SLC36A1: variants seen among roughly 807,000 people sequenced by gnomAD.
SLC36A1 encodes solute carrier family 36 member 1.
SLC36A1 carries 30 observed loss-of-function variants against 47.5 expected under a neutral mutation model. The observed-to-expected ratio is 0.63, with a 90% CI of 0.47 to 0.86. The LOEUF is 0.86. Among genes scored for constraint, SLC36A1 ranks in the 40% least tolerant of loss-of-function variants. SLC36A1 has a pLI of 0.00. For missense variants in SLC36A1, 517 were observed against 606.0 expected (o/e 0.85, Z 1.54); for synonymous variants, 255 against 249.7 (o/e 1.02, Z -0.20).
the SLC36A1 span, among the ~76,000 whole-genome samples, chr5:151,350,077 A>C: frequency 6.6e-6 from 1 of 152,146 alleles, no homozygotes; most frequent in Non-Finnish European, 1.5e-5. Context: ...CAGAGACAAA[A>C]TGAAACCCCT....
intron 8 of SLC36A1, 124 bp downstream of exon 8, chr5:151,473,895 C>T: frequency 3.8e-6 from 3 of 791,810 alleles, no homozygotes; most frequent in Middle Eastern, 2.8e-4. Context: ...CATGGTGGCT[C>T]ACGCCTGTAA....
chr5:151,441,618 A>T (rs1752637668), intron 1 of SLC36A1, among the ~76,000 whole-genome samples: 1 of 152,204 alleles, frequency 6.6e-6, no homozygotes, highest in South Asian at 2.1e-4. Context: ...TAGGGTTTGG[A>T]GAACAATACA....
chr5:151,384,144 C>G, the SLC36A1 span, among the ~76,000 whole-genome samples: 1 of 152,142 alleles, frequency 6.6e-6, no homozygotes, highest in Non-Finnish European at 1.5e-5. Flanking sequence ...CTAGTATGAG[C>G]TGCATAACAT....
intron 2 of SLC36A1, among the ~76,000 whole-genome samples, chr5:151,461,968 T>TG (rs1755583760): frequency 6.6e-6 from 1 of 151,866 alleles, no homozygotes; most frequent in Non-Finnish European, 1.5e-5. Context: ...TGCCTTTTTT[T>TG]TTTTTCATAG....
chr5:151,528,082 G>A, the SLC36A1 span: 1 of 1,614,196 alleles, frequency 6.2e-7, no homozygotes, highest in Non-Finnish European at 8.5e-7. Flanking sequence ...CCTCCTATGA[G>A]GCTATAGGTA....
chr5:151,516,534 A>T, the SLC36A1 span, among the ~76,000 whole-genome samples: 2 of 152,002 alleles, frequency 1.3e-5, no homozygotes, highest in African/African-American at 4.8e-5. Context: ...AATAAATAAA[A>T]ATTGCAACTC....
the SLC36A1 span, among the ~76,000 whole-genome samples, chr5:151,358,432 C>T: frequency 6.6e-6 from 1 of 151,918 alleles, no homozygotes; most frequent in African/African-American, 2.4e-5. Context: ...CTACTGTGGC[C>T]GGCTAATTTT....
the SLC36A1 span, among the ~76,000 whole-genome samples, chr5:151,376,638 A>AT: frequency 0.027 from 4,066 of 149,218 alleles, 174 homozygotes; most frequent in African/African-American, 0.093. Context: ...CATTTCAAAA[A>AT]TTTTTTTTTT....
rs1239655856 is a variant in SLC36A1, at chr5:151,492,284, T to C, written c.*4030T>C. 6.6e-6 allele frequency: 1 copy of C among 152,238 alleles called. No individual in the cohort carries two copies. 9.4% of individuals were successfully genotyped at this position (152,238 alleles called of 1,614,324 possible). On this transcript the variant is annotated 3_prime_UTR_variant, in exon 11 of 11. Transcript: ENST00000243389. The stretch of plus-strand genomic sequence containing the variant: ...AGCATGGTATGTGTAGCGATGTGGA[T>C]CATGCCAGAGTTCGTAGATCCTGTT...
chr5:151,515,569 G>A, the SLC36A1 span, among the ~76,000 whole-genome samples: 1 of 152,100 alleles, frequency 6.6e-6, no homozygotes, highest in South Asian at 2.1e-4. Flanking sequence ...CCCTTCCCCA[G>A]GCCTGCTGGC....
the SLC36A1 span, among the ~76,000 whole-genome samples, chr5:151,368,003 G>A: frequency 1.3e-5 from 2 of 152,152 alleles, no homozygotes; most frequent in South Asian, 2.1e-4. Flanking sequence ...CCCCAGTTAT[G>A]TACACATCCA....
the SLC36A1 span, among the ~76,000 whole-genome samples, chr5:151,539,503 T>G: frequency 6.6e-6 from 1 of 152,228 alleles, no homozygotes; most frequent in African/African-American, 2.4e-5. Context: ...TGTGTATATA[T>G]GCATAGGTAT....
chr5:151,552,455 T>C, the SLC36A1 span, among the ~76,000 whole-genome samples: 1 of 152,178 alleles, frequency 6.6e-6, no homozygotes, highest in African/African-American at 2.4e-5. Flanking sequence ...CAGAAAACTG[T>C]ACCAGGACTC....
chr5:151,479,602 C>G, intron 10 of SLC36A1, 113 bp downstream of exon 10: 1 of 1,269,724 alleles, frequency 7.9e-7, no homozygotes, highest in Non-Finnish European at 1.1e-6. Flanking sequence ...ATGTTTGTGA[C>G]AGAGAACCTG....
chr5:151,462,795 T>C (rs1051389849), intron 2 of SLC36A1, among the ~76,000 whole-genome samples: 5 of 151,798 alleles, frequency 3.3e-5, no homozygotes, highest in African/African-American at 4.9e-5. Flanking sequence ...ATTATTATTA[T>C]TTTTTAATTT....
the SLC36A1 span, among the ~76,000 whole-genome samples, chr5:151,345,478 A>G: frequency 2.6e-5 from 4 of 152,198 alleles, no homozygotes; most frequent in Non-Finnish European, 4.4e-5. Context: ...GAAGCTTCAT[A>G]TTGAAGCTGT....
At chr5:151,521,392 C>A in the SLC36A1 span, 3 of 1,614,188 alleles carry the variant, frequency 1.9e-6, no homozygotes, top group Non-Finnish European at 2.5e-6. Context: ...GCAGATTTGA[C>A]CCTGGCAGGT....
At chr5:151,507,253 C>A in the SLC36A1 span, 1 of 1,614,192 alleles carries the variant, frequency 6.2e-7, no homozygotes, top group Non-Finnish European at 8.5e-7. Flanking sequence ...CTGCAGACCA[C>A]TGGCCGTTGC....
the SLC36A1 span, among the ~76,000 whole-genome samples, chr5:151,423,036 T>A: frequency 2.0e-5 from 3 of 152,102 alleles, no homozygotes; most frequent in African/African-American, 7.2e-5. Flanking sequence ...GAAAAGATGC[T>A]CCACATCATA....
Sources: gnomAD v4.1 joint callset for allele counts (sites outside exome capture counted in the v4.1 genomes callset) on GRCh38, gnomAD v4.1.1 for gene constraint, MANE v1.5 for transcripts, NCBI Gene and HGNC (gene_info 2026-07-23, HGNC 2026-07-21) for gene names.